The following TBC1D16 variants were observed in gnomAD, a reference collection of about 807,000 sequenced individuals.
The protein encoded by TBC1D16 is CTD-2529O21.1.
TBC1D16 carries 58 observed loss-of-function variants against 74.7 expected under a neutral mutation model. The observed-to-expected ratio is 0.78, with a 90% confidence interval of 0.63 to 0.97. The LOEUF (loss-of-function observed/expected upper bound fraction) is 0.97. Among genes scored for constraint, TBC1D16 ranks in the 50% least tolerant of loss-of-function variants. The probability of loss-of-function intolerance (pLI) is 0.00; values close to 1 mark genes in which losing one functional copy is unlikely to be tolerated. For synonymous variants in TBC1D16, 493 were observed against 474.7 expected, an observed-to-expected ratio of 1.04 and a Z score of -0.50; for missense variants, 1,014 against 1,079.5, an observed-to-expected ratio of 0.94 and a Z score of 0.85.
Position 79,990,309 on chromosome 17 carries a change from C to T in TBC1D16, c.779+19851G>A, listed in dbSNP as rs1289888293. On this transcript the variant is annotated intron_variant, in intron 3 of 11. Coordinates refer to ENST00000310924, the MANE Select transcript of TBC1D16 (RefSeq NM_019020.4). The surrounding 1 kb of genome is among the most constrained non-coding windows in gnomAD (Gnocchi z 4.8). The stretch of plus-strand genomic sequence containing the variant: ...AGGGGCCGGCTCCAGGTGGTGGGAG[C>T]CCACGCCCCCGGCCAGCACTCTGGC... Among the ~76,000 whole-genome samples, 1 of 152,236 alleles carries T rather than the reference C, an allele frequency of 6.6e-6. No individual in the cohort carries two copies. Among genetic ancestry groups the T allele is most frequent in the Non-Finnish European group, 1.5e-5 (1 of 68,046 alleles).
At chr17:80,006,226 T>TTCTCTCTCTCTCTCTC (rs113353447) in intron 3 of TBC1D16, among the ~76,000 whole-genome samples, 13 of 148,834 alleles carry the variant, frequency 8.7e-5, no homozygotes, top group African/African-American at 3.0e-4. Context: ...CTCTCTTTCT[T>TTCTCTCTCTCTCTCTC]TCTCTCTCTC....
chr17:80,002,253 G>A (rs2035518562), intron 3 of TBC1D16, among the ~76,000 whole-genome samples: 1 of 152,222 alleles, frequency 6.6e-6, no homozygotes, highest in Non-Finnish European at 1.5e-5. Context: ...TCTGTGCCGT[G>A]TAGGAGGACA....
chr17:80,024,166 G>A (rs2143198402), intron 1 of TBC1D16, among the ~76,000 whole-genome samples: 1 of 114,352 alleles, frequency 8.7e-6, no homozygotes, highest in East Asian at 2.1e-4. Context: ...CCAACCAGAG[G>A]CCCCACTTCA....
chr17:80,030,406 G>T (rs1215198714), intron 1 of TBC1D16, among the ~76,000 whole-genome samples: 1 of 152,186 alleles, frequency 6.6e-6, no homozygotes, highest in Non-Finnish European at 1.5e-5. Flanking sequence ...ATGGACACAG[G>T]TGGGCTACAG....
At chr17:79,945,393 G>C (rs574602978) in intron 9 of TBC1D16, among the ~76,000 whole-genome samples, 51 of 152,262 alleles carry the variant, frequency 3.3e-4, no homozygotes, top group African/African-American at 1.2e-3. Flanking sequence ...GGCCAGGAAG[G>C]CTCCCCACCC....
intron 10 of TBC1D16, among the ~76,000 whole-genome samples, chr17:79,943,016 C>T (rs531447214): frequency 1.1e-4 from 16 of 152,356 alleles, no homozygotes; most frequent in Admixed American, 5.9e-4. Flanking sequence ...CACGCGCTTC[C>T]GGAGGCACAG....
rs2034598265 is a variant in TBC1D16, at chr17:79,981,893, C to T, written c.779+28267G>A. ...CAGGGAACAGCAGGACGCGGCCCTCCGGGGCTTCCCTGTGCGCACACACAC... is the reference window on the plus strand; with the variant it reads ...CAGGGAACAGCAGGACGCGGCCCTCTGGGGCTTCCCTGTGCGCACACACAC... On this transcript the variant is annotated intron_variant, in intron 3 of 11. Coordinates refer to ENST00000310924, the MANE Select transcript of TBC1D16 (RefSeq NM_019020.4). The surrounding 1 kb of genome is among the most constrained non-coding windows in gnomAD (Gnocchi z 6.9). Among the ~76,000 whole-genome samples the T allele has an allele frequency of 6.6e-6, 1 of 152,208 alleles. No individual in the cohort carries two copies. Among genetic ancestry groups the T allele is most frequent in the African/African-American group, 2.4e-5 (1 of 41,470 alleles).
rs1352383748 is a variant in TBC1D16, at chr17:79,935,338, G to C, written c.*5521C>G. On this transcript the variant is annotated 3_prime_UTR_variant, in exon 12 of 12. Transcript: ENST00000310924. ...AGCTGCTCTTCCTCCTGGCAGCCCA[G>C]CCTGCAGGCCTAGTGCTGTCCAACC... is the stretch of plus-strand genomic sequence containing the variant. 1 of 152,300 alleles carries C rather than the reference G, an allele frequency of 6.6e-6. No homozygotes were observed. Among genetic ancestry groups the C allele is most frequent in the African/African-American group, 2.4e-5 (1 of 41,458 alleles). 9.4% of individuals were successfully genotyped at this position (152,300 alleles called of 1,614,324 possible). A position where few individuals can be genotyped will look rare whatever the true frequency, so the allele number is the denominator to read the frequency against.
Position 79,975,044 on chromosome 17 carries a change from C to T in TBC1D16, c.780-22226G>A, listed in dbSNP as rs1388064137. Reference sequence around the variant, plus strand: ...GAAGGCCCAAGGAAGAAGCCCTCTGCTCCGTCACCTCCTCGCCATGCCGTC... The same window carrying T: ...GAAGGCCCAAGGAAGAAGCCCTCTGTTCCGTCACCTCCTCGCCATGCCGTC... On this transcript the variant is annotated intron_variant, in intron 3 of 11. Transcript: ENST00000310924. The surrounding 1 kb of genome is among the most constrained non-coding windows in gnomAD (Gnocchi z 4.5). Among the ~76,000 whole-genome samples, 1 of 152,188 alleles carries T rather than the reference C, an allele frequency of 6.6e-6. No individual in the cohort carries two copies. Among genetic ancestry groups the T allele is most frequent in the Non-Finnish European group, 1.5e-5 (1 of 68,030 alleles).
chr17:80,020,495 G>GA (rs1250963711), intron 1 of TBC1D16, among the ~76,000 whole-genome samples: 6 of 149,626 alleles, frequency 4.0e-5, no homozygotes, highest in Non-Finnish European at 7.4e-5. Flanking sequence ...TGAGGCAGGA[G>GA]AACTGCTTGT....
At chr17:79,948,807 C>G in intron 8 of TBC1D16, 65 bp downstream of exon 8, 13 of 1,606,830 alleles carry the variant, frequency 8.1e-6, no homozygotes, top group Non-Finnish European at 1.1e-5. Context: ...CATCCACTTC[C>G]CAGAGCGGTC....
At chr17:80,034,498 A>AGCCATAAAAACTTTC (rs1287315588) in intron 1 of TBC1D16, among the ~76,000 whole-genome samples, 4 of 152,186 alleles carry the variant, frequency 2.6e-5, no homozygotes, top group Admixed American at 6.5e-5. Flanking sequence ...CACGGCGCCC[A>AGCCATAAAAACTTTC]GCCATAAAAA....
At chr17:80,029,102 C>T (rs901678588) in intron 1 of TBC1D16, among the ~76,000 whole-genome samples, 5 of 152,176 alleles carry the variant, frequency 3.3e-5, no homozygotes, top group African/African-American at 1.2e-4. Flanking sequence ...TTCCCAGAAA[C>T]CTGCAACTCT....
intron 4 of TBC1D16, among the ~76,000 whole-genome samples, 157 bp downstream of exon 4, chr17:79,952,500 C>T (rs2033116566): frequency 6.6e-6 from 1 of 152,244 alleles, no homozygotes. Flanking sequence ...GGAATCACTG[C>T]CCACAAGATC....
In TBC1D16 at chr17:79,971,319, G is replaced by C. The variant is rs1039931254; in HGVS notation, c.780-18501C>G. Among the ~76,000 whole-genome samples the C allele has an allele frequency of 6.6e-6, 1 of 152,262 alleles. No homozygotes were observed. The highest frequency in any genetic ancestry group is 2.1e-4 in the South Asian group (1 of 4,832). ...ATTACAGGTGTGAGGCACCGCACCC[G>C]GCCCACACTCCCAGTATTTTTTAAG... On this transcript the variant is annotated intron_variant, in intron 3 of 11. Transcript: ENST00000310924. The surrounding 1 kb of genome is among the most constrained non-coding windows in gnomAD (Gnocchi z 4.6).
At chr17:79,989,288 C>T (rs1202771820) in intron 3 of TBC1D16, among the ~76,000 whole-genome samples, 2 of 152,232 alleles carry the variant, frequency 1.3e-5, no homozygotes, top group Non-Finnish European at 2.9e-5. Context: ...CCTCCCAGGA[C>T]CTGCCCGACG....
In TBC1D16 at chr17:79,983,397, A is replaced by G. The variant is rs938742836; in HGVS notation, c.779+26763T>C. ...GTCCCTCTGCACCAAAGGTGTGCAC[A>G]GAAGCTGTCAAGGTGACATCATTCA... On this transcript the variant is annotated intron_variant, in intron 3 of 11. Coordinates refer to ENST00000310924, the MANE Select transcript of TBC1D16 (RefSeq NM_019020.4). This position sits in a 1 kb window ranked among gnomAD's most constrained non-coding sequence, Gnocchi z 5.6. 6.6e-5 allele frequency among the ~76,000 whole-genome samples: 10 copies of G among 152,350 alleles called. No homozygotes were observed. The highest frequency in any genetic ancestry group is 2.0e-4 in the Admixed American group (3 of 15,304).
Position 80,009,189 on chromosome 17 carries a change from G to A in TBC1D16, c.779+971C>T, listed in dbSNP as rs1003787802. Among the ~76,000 whole-genome samples the A allele has an allele frequency of 3.9e-5, 6 of 152,244 alleles. No individual in the cohort carries two copies. The highest frequency in any genetic ancestry group is 7.3e-5 in the Non-Finnish European group (5 of 68,038). ...CCAGCATGCGCCCGGCTCACACCAC[G>A]AGCTCAACAGTTAATGACCTGCTCG... On this transcript the variant is annotated intron_variant, in intron 3 of 11. Coordinates refer to ENST00000310924, the MANE Select transcript of TBC1D16 (RefSeq NM_019020.4). This position sits in a 1 kb window ranked among gnomAD's most constrained non-coding sequence, Gnocchi z 5.4.
At chr17:79,965,182 C>T (rs897778238) in intron 3 of TBC1D16, among the ~76,000 whole-genome samples, 5 of 151,918 alleles carry the variant, frequency 3.3e-5, no homozygotes, top group Admixed American at 6.6e-5. Flanking sequence ...CAGGTTCAAG[C>T]GATTCTCCTG....
Sources: gnomAD v4.1 joint callset for allele counts (sites outside exome capture counted in the v4.1 genomes callset) on GRCh38, gnomAD v4.1.1 for gene constraint, Gnocchi (gnomAD v3.1) non-coding constraint, MANE v1.5 for transcripts, NCBI Gene and HGNC (gene_info 2026-07-23, HGNC 2026-07-21) for gene names.